The following KCNQ5 variants were observed in gnomAD, a reference collection of about 807,000 sequenced individuals.
KCNQ5 encodes the protein potassium voltage-gated channel subfamily KQT member 5.
Under a neutral mutation model 98.2 loss-of-function variants are expected in KCNQ5, and 30 were observed. The observed-to-expected ratio is 0.31, with a 90% CI of 0.23 to 0.41. The LOEUF (loss-of-function observed/expected upper bound fraction) is 0.41, where lower values mean the gene tolerates loss of function less well. Ranked by LOEUF, KCNQ5 falls within the 10% of genes least tolerant of loss-of-function variation. The pLI, the probability that KCNQ5 is intolerant of heterozygous loss-of-function variation, is 1.00. For missense variants in KCNQ5, 835 were observed against 1,182.5 expected, an observed-to-expected ratio of 0.71 and a Z score of 4.31; for synonymous variants, 458 against 449.4, an observed-to-expected ratio of 1.02 and a Z score of -0.24.
At chr6:72,822,178 A>T (rs1262297396) in intron 1 of KCNQ5, among the ~76,000 whole-genome samples, 1 of 152,082 alleles carries the variant, frequency 6.6e-6, no homozygotes, top group Admixed American at 6.6e-5. Flanking sequence ...GAGACTATCA[A>T]ATCCCTGAAA....
At chr6:72,744,029 T>C (rs576836126) in intron 1 of KCNQ5, among the ~76,000 whole-genome samples, 1 of 152,290 alleles carries the variant, frequency 6.6e-6, no homozygotes, top group South Asian at 2.1e-4. Flanking sequence ...CATGTTAGCA[T>C]GTGTTTTCAT....
chr6:72,753,685 T>C (rs572109561), intron 1 of KCNQ5, among the ~76,000 whole-genome samples: 18 of 152,134 alleles, frequency 1.2e-4, no homozygotes, highest in Non-Finnish European at 2.4e-4. Context: ...GTAATAATGA[T>C]GGTGAACATC....
rs137989933 is a variant in KCNQ5, at chr6:72,780,426, G to A, written c.398+157839G>A. ...GATATGCTCCAAGAGCAGAGAACAG[G>A]AGCCCATCATTCTGATGAAAGCTTC... On this transcript the variant is annotated intron_variant, in intron 1 of 13. Transcript: ENST00000370398. Among the ~76,000 whole-genome samples the A allele has an allele frequency of 4.1e-3, 629 of 152,298 alleles. 19 individuals carry two copies. The highest frequency in any genetic ancestry group is 0.035 in the Admixed American group (541 of 15,302).
intron 1 of KCNQ5, among the ~76,000 whole-genome samples, chr6:72,782,761 C>G (rs1175634096): frequency 6.6e-6 from 1 of 151,856 alleles, no homozygotes; most frequent in Non-Finnish European, 1.5e-5. Flanking sequence ...ACCATAATAC[C>G]TGGTTTTCTT....
intron 10 of KCNQ5, among the ~76,000 whole-genome samples, chr6:73,164,705 C>T (rs1196876921): frequency 1.3e-5 from 2 of 152,036 alleles, no homozygotes; most frequent in African/African-American, 4.8e-5. Context: ...TTCCATTAAC[C>T]TCAAAATTAA....
intron 9 of KCNQ5, among the ~76,000 whole-genome samples, chr6:73,126,418 A>G (rs1775989643): frequency 6.6e-6 from 1 of 152,260 alleles, no homozygotes; most frequent in South Asian, 2.1e-4. Flanking sequence ...AAATGTTAGC[A>G]CAGCAGAAAA....
At chr6:73,050,239 G>C (rs1241150018) in intron 3 of KCNQ5, among the ~76,000 whole-genome samples, 2 of 131,078 alleles carry the variant, frequency 1.5e-5, no homozygotes, top group Non-Finnish European at 3.1e-5. Flanking sequence ...AGAAAGGAAG[G>C]AAGGAAAGAA....
chr6:72,778,820 G>C (rs1473548604), intron 1 of KCNQ5, among the ~76,000 whole-genome samples: 1 of 152,176 alleles, frequency 6.6e-6, no homozygotes, highest in Admixed American at 6.5e-5. Flanking sequence ...AACTAGAAGA[G>C]AGTTGTATCC....
chr6:72,784,592 T>C (rs1773642744), intron 1 of KCNQ5, among the ~76,000 whole-genome samples: 1 of 152,220 alleles, frequency 6.6e-6, no homozygotes, highest in Non-Finnish European at 1.5e-5. Flanking sequence ...CTTGCAGGAC[T>C]GGGGCTCTGT....
At chr6:72,684,071 T>G (rs1019500003) in intron 1 of KCNQ5, among the ~76,000 whole-genome samples, 4 of 152,202 alleles carry the variant, frequency 2.6e-5, no homozygotes, top group African/African-American at 9.7e-5. Context: ...TGTTCATGTA[T>G]GTATAATCAT....
At chr6:72,690,500 G>A (rs774742595) in intron 1 of KCNQ5, among the ~76,000 whole-genome samples, 1 of 152,048 alleles carries the variant, frequency 6.6e-6, no homozygotes, top group African/African-American at 2.4e-5. Flanking sequence ...ACAGAAGATT[G>A]GTAAAATTTC....
chr6:72,815,415 C>G (rs1441555393), intron 1 of KCNQ5, among the ~76,000 whole-genome samples: 1 of 152,042 alleles, frequency 6.6e-6, no homozygotes, highest in Non-Finnish European at 1.5e-5. Flanking sequence ...ACTGGGTCTT[C>G]CAAGATGTGC....
At chr6:72,694,886 T>C (rs1406187065) in intron 1 of KCNQ5, among the ~76,000 whole-genome samples, 1 of 152,196 alleles carries the variant, frequency 6.6e-6, no homozygotes, top group African/African-American at 2.4e-5. Flanking sequence ...CCTATGACTG[T>C]TGATGCCATC....
At chr6:72,738,754 T>C (rs1403608276) in intron 1 of KCNQ5, among the ~76,000 whole-genome samples, 1 of 152,066 alleles carries the variant, frequency 6.6e-6, no homozygotes, top group Non-Finnish European at 1.5e-5. Context: ...TGAAAAGACA[T>C]GGAGGAACGT....
intron 11 of KCNQ5, among the ~76,000 whole-genome samples, chr6:73,176,449 A>C (rs988591336): frequency 1.3e-5 from 2 of 152,198 alleles, no homozygotes. Flanking sequence ...ACCATGAGCC[A>C]ATGAAACCTC....
At chr6:73,148,895 A>AG (rs1777027300) in intron 10 of KCNQ5, among the ~76,000 whole-genome samples, 1 of 152,154 alleles carries the variant, frequency 6.6e-6, no homozygotes, top group South Asian at 2.1e-4. Context: ...GTCACCTCCT[A>AG]GGGAAGCACT....
At position 73,140,416 on chromosome 6, in the gene KCNQ5, C is replaced by T. The variant is rs138633743; in HGVS notation, c.1468+6775C>T. 1.5e-3 allele frequency among the ~76,000 whole-genome samples: 221 copies of T among 152,288 alleles called. 2 individuals are homozygous for T. Among genetic ancestry groups the T allele is most frequent in the African/African-American group, 5.1e-3 (212 of 41,560 alleles). The stretch of plus-strand genomic sequence containing the variant: ...CAGCCAGGCCTTGATTATAATTTTC[C>T]ACATGATGCTTCCTGGCACTTTCTG... On this transcript the variant is annotated intron_variant, in intron 10 of 13. Coordinates refer to ENST00000370398, the MANE Select transcript of KCNQ5 (RefSeq NM_019842.4).
chr6:72,861,755 C>G (rs961559032), intron 1 of KCNQ5, among the ~76,000 whole-genome samples: 3 of 151,850 alleles, frequency 2.0e-5, no homozygotes, highest in Non-Finnish European at 4.4e-5. Context: ...ATGTTTCGGG[C>G]CCCATAAAAC....
At chr6:72,911,873 G>T (rs1779953702) in intron 1 of KCNQ5, among the ~76,000 whole-genome samples, 1 of 152,034 alleles carries the variant, frequency 6.6e-6, no homozygotes, top group Admixed American at 6.6e-5. Context: ...TAAAGATATT[G>T]TACTCTTTCA....
Sources: allele counts gnomAD v4.1 joint callset (sites outside exome capture counted in the v4.1 genomes callset), GRCh38; gene constraint gnomAD v4.1.1; transcripts MANE v1.5; gene names NCBI Gene and HGNC (gene_info 2026-07-23, HGNC 2026-07-21).